Variants in ACCSL observed in about 807,000 individuals in gnomAD.
ACCSL encodes probable inactive 1-aminocyclopropane-1-carboxylate synthase-like protein 2.
Under a neutral mutation model 61.7 loss-of-function variants are expected in ACCSL, and 55 were observed. The ratio of observed to expected loss-of-function variants is 0.89; its 90% confidence interval spans 0.72 to 1.12. The LOEUF is 1.12. ACCSL is among the 50% of genes most tolerant of loss of function. ACCSL has a pLI of 0.00. For synonymous variants in ACCSL, 258 were observed against 264.3 expected (o/e 0.98, Z 0.23); for missense variants, 632 against 698.0 (o/e 0.91, Z 1.07).
the ACCSL span, chr11:43,943,178 C>CGCAGCACGCAGAGCCTGTCGCT: frequency 6.6e-7 from 1 of 1,509,206 alleles, no homozygotes; most frequent in Non-Finnish European, 8.9e-7. The surrounding 1 kb of genome is among the most constrained non-coding windows in gnomAD (Gnocchi z 4.8). Context: ...GTGCCTGCGC[C>CGCAGCACGCAGAGCCTGTCGCT]GCAGCACGCA....
the ACCSL span, among the ~76,000 whole-genome samples, chr11:44,023,059 TTTTC>T: frequency 3.0e-5 from 4 of 133,260 alleles, no homozygotes; most frequent in Admixed American, 8.0e-5. Flanking sequence ...TTTTTTTTTT[TTTTC>T]GAGAAAGAGT....
At chr11:44,059,692 G>A (rs747111249) in intron 13 of ACCSL, 146 bp from the exon 14 acceptor site, 1 of 602,688 alleles carries the variant, frequency 1.7e-6, no homozygotes, top group Non-Finnish European at 3.0e-6. Flanking sequence ...TGTAGACTTG[G>A]AAATCCATCC....
the ACCSL span, among the ~76,000 whole-genome samples, chr11:44,028,671 A>C: frequency 1.1e-4 from 16 of 152,140 alleles, no homozygotes; most frequent in African/African-American, 3.4e-4. Context: ...CTGCACCCAA[A>C]TCCTGGATTG....
At chr11:43,992,742 A>G in the ACCSL span, among the ~76,000 whole-genome samples, 1 of 152,230 alleles carries the variant, frequency 6.6e-6, no homozygotes, top group African/African-American at 2.4e-5. Context: ...GAGTGTCACT[A>G]CATTCTAGTG....
At chr11:44,001,819 GTGTGTGTGTGT>G in the ACCSL span, among the ~76,000 whole-genome samples, 9 of 128,600 alleles carry the variant, frequency 7.0e-5, no homozygotes, top group Middle Eastern at 4.2e-3. Context: ...GTGTGTGTGT[GTGTGTGTGTGT>G]AGAGGGTGGG....
chr11:43,981,020 G>A, the ACCSL span, among the ~76,000 whole-genome samples: 1 of 152,234 alleles, frequency 6.6e-6, no homozygotes, highest in South Asian at 2.1e-4. Context: ...AAACCGGAAA[G>A]AAGGATTTGA....
chr11:43,942,928 G>C, the ACCSL span: 7 of 1,430,260 alleles, frequency 4.9e-6, no homozygotes, highest in Non-Finnish European at 6.4e-6. Context: ...CCGGCGAGCT[G>C]ATGGGCATCT....
the ACCSL span, among the ~76,000 whole-genome samples, chr11:43,990,632 T>A: frequency 2.0e-5 from 3 of 152,230 alleles, no homozygotes; most frequent in African/African-American, 4.8e-5. Context: ...CAATTAATGC[T>A]AGGTCTTGTT....
At chr11:44,058,252 G>A in intron 11 of ACCSL, 65 bp from the exon 12 acceptor site, 2 of 1,555,430 alleles carry the variant, frequency 1.3e-6, no homozygotes, top group Admixed American at 1.8e-5. Context: ...GGAGCATTTG[G>A]GAAGGAACTC....
the ACCSL span, among the ~76,000 whole-genome samples, chr11:43,982,303 C>G: frequency 1.4e-5 from 2 of 144,728 alleles, no homozygotes; most frequent in Non-Finnish European, 3.0e-5. Context: ...TCTCGGCTCA[C>G]TGAAACCTCC....
At chr11:43,997,754 G>A in the ACCSL span, among the ~76,000 whole-genome samples, 2 of 152,198 alleles carry the variant, frequency 1.3e-5, no homozygotes, top group Non-Finnish European at 2.9e-5. Flanking sequence ...AACAAGTGTG[G>A]CTTTGTTTAC....
chr11:43,955,169 C>A, the ACCSL span, among the ~76,000 whole-genome samples: 18 of 152,140 alleles, frequency 1.2e-4, no homozygotes, highest in African/African-American at 4.1e-4. Flanking sequence ...TGCTAATGGT[C>A]CACAAAAGTC....
chr11:43,935,182 T>A, the ACCSL span, among the ~76,000 whole-genome samples: 1 of 152,178 alleles, frequency 6.6e-6, no homozygotes, highest in African/African-American at 2.4e-5. Flanking sequence ...CCTCCTTGCT[T>A]CCCGGATGGG....
the ACCSL span, chr11:43,943,549 G>C: frequency 1.5e-6 from 2 of 1,319,268 alleles, no homozygotes; most frequent in Non-Finnish European, 2.0e-6. The surrounding 1 kb of genome is among the most constrained non-coding windows in gnomAD (Gnocchi z 4.8). Flanking sequence ...CTGTGAGTGT[G>C]TGCGGGGAGG....
the ACCSL span, among the ~76,000 whole-genome samples, chr11:44,030,479 G>A: frequency 2.0e-5 from 3 of 151,792 alleles, no homozygotes; most frequent in Admixed American, 2.0e-4. Context: ...CTTTTTCAAG[G>A]AGAAAGCAGC....
chr11:44,051,562 C>A lies in ACCSL; in HGVS notation c.706-91C>A, dbSNP rs1048890628. The A allele has an allele frequency of 4.5e-6, 7 of 1,567,052 alleles. No individual in the cohort carries two copies. The Admixed American group carries it at 1.0e-4, about 22-fold the overall frequency. ...GTCCCAACTGAGGAGGCTCCCTGTGCCTGTTCTGCCCAGGGGGATGGAGAA... is the reference window on the plus strand; with the variant it reads ...GTCCCAACTGAGGAGGCTCCCTGTGACTGTTCTGCCCAGGGGGATGGAGAA... On this transcript the variant is annotated intron_variant, in intron 4 of 13. Transcript: ENST00000378832.
At chr11:43,925,425 C>T in the ACCSL span, 1 of 456,184 alleles carries the variant, frequency 2.2e-6, no homozygotes, top group Non-Finnish European at 4.4e-6. Flanking sequence ...CCACGCTGCA[C>T]CAGCCAGGTG....
the ACCSL span, among the ~76,000 whole-genome samples, chr11:44,037,071 G>A: frequency 2.0e-5 from 3 of 152,164 alleles, no homozygotes; most frequent in Non-Finnish European, 4.4e-5. Context: ...AGTGTCCCTG[G>A]AAGAGGAATT....
At chr11:43,929,720 T>C in the ACCSL span, among the ~76,000 whole-genome samples, 5 of 152,144 alleles carry the variant, frequency 3.3e-5, no homozygotes, top group African/African-American at 9.7e-5. Flanking sequence ...AATTTTTAAA[T>C]TTTTTGTAGA....
Sources: allele counts gnomAD v4.1 joint callset (sites outside exome capture counted in the v4.1 genomes callset), GRCh38; gene constraint gnomAD v4.1.1; non-coding constraint Gnocchi (gnomAD v3.1); transcripts MANE v1.5; gene names NCBI Gene and HGNC (gene_info 2026-07-23, HGNC 2026-07-21).